ANKRD44: variants seen among roughly 807,000 people sequenced by gnomAD.
ANKRD44 encodes ankyrin repeat domain 44, also known as serine/threonine-protein phosphatase 6 regulatory ankyrin repeat subunit B.
ANKRD44 carries 35 observed loss-of-function variants against 116.0 expected under a neutral mutation model. That is an observed-to-expected ratio of 0.30 (90% confidence interval 0.23 to 0.40). ANKRD44 has a LOEUF of 0.40. Among genes scored for constraint, ANKRD44 ranks in the 10% least tolerant of loss-of-function variants. The probability of loss-of-function intolerance (pLI) is 1.00; values close to 1 mark genes in which losing one functional copy is unlikely to be tolerated. For missense variants in ANKRD44, 1,014 were observed against 1,242.6 expected (o/e 0.82, Z 2.77); for synonymous variants, 435 against 461.8 (o/e 0.94, Z 0.74).
chr2:197,037,943 A>G (rs953504738), intron 16 of ANKRD44, among the ~76,000 whole-genome samples: 54 of 151,990 alleles, frequency 3.6e-4, no homozygotes, highest in African/African-American at 1.3e-3. Flanking sequence ...CCTTGTCTTA[A>G]AAAAAAATGG....
chr2:197,212,074 A>C lies in ANKRD44; in HGVS notation c.28-24968T>G, dbSNP rs549843557. Among the ~76,000 whole-genome samples, 12 of 147,996 alleles carry C rather than the reference A, an allele frequency of 8.1e-5. No individual in the cohort carries two copies. The highest frequency in any genetic ancestry group is 3.0e-4 in the African/African-American group (12 of 40,252). On this transcript the variant is annotated intron_variant, in intron 1 of 27. Transcript: ENST00000282272. This position sits in a 1 kb window ranked among gnomAD's most constrained non-coding sequence, Gnocchi z 4.8. ...CTCTCACACACACACACACACACAC[A>C]CCCCACAGCACCACTTTGGGGGAAG... is the stretch of plus-strand genomic sequence containing the variant.
chr2:197,277,303 G>A (rs2083120911), intron 1 of ANKRD44, among the ~76,000 whole-genome samples: 1 of 152,044 alleles, frequency 6.6e-6, no homozygotes, highest in Admixed American at 6.5e-5. Context: ...GAGGTGCTCA[G>A]AGTCTCAAAG....
chr2:197,166,604 A>G (rs2080106915), intron 2 of ANKRD44, among the ~76,000 whole-genome samples: 1 of 152,256 alleles, frequency 6.6e-6, no homozygotes, highest in South Asian at 2.1e-4. Flanking sequence ...AGAATCACTG[A>G]CAATGATTGT....
At chr2:197,120,054 C>G (rs961298377) in intron 8 of ANKRD44, among the ~76,000 whole-genome samples, 1 of 152,182 alleles carries the variant, frequency 6.6e-6, no homozygotes, top group Admixed American at 6.5e-5. Context: ...AGTCTCCCCT[C>G]AAAATCGATC....
Position 197,268,943 on chromosome 2 carries a change from C to T in ANKRD44, c.27+41635G>A, listed in dbSNP as rs1268206362. Among the ~76,000 whole-genome samples the T allele has an allele frequency of 2.6e-5, 4 of 152,252 alleles. No homozygotes were observed. In the East Asian group the frequency reaches 7.7e-4, roughly 29 times the overall value. ...TGTTGATTGCTCAGCGTTCTTAAAT[C>T]AGGATGTATCTCGTGGAACCTTAGA... is the stretch of plus-strand genomic sequence containing the variant. On this transcript the variant is annotated intron_variant, in intron 1 of 27. Coordinates refer to ENST00000282272, the MANE Select transcript of ANKRD44 (RefSeq NM_001195144.2).
chr2:197,258,692 T>C (rs564079930), intron 1 of ANKRD44, among the ~76,000 whole-genome samples: 1 of 152,322 alleles, frequency 6.6e-6, no homozygotes, highest in South Asian at 2.1e-4. Context: ...CTGCACCATT[T>C]TACATTCCCA....
At chr2:197,230,218 CCA>C (rs942033811) in intron 1 of ANKRD44, among the ~76,000 whole-genome samples, 6 of 152,120 alleles carry the variant, frequency 3.9e-5, no homozygotes, top group Non-Finnish European at 8.8e-5. Flanking sequence ...GCACCATAAA[CCA>C]CAGTCTTGCC....
At chr2:197,139,224 C>T (rs2079297067) in intron 3 of ANKRD44, among the ~76,000 whole-genome samples, 1 of 152,034 alleles carries the variant, frequency 6.6e-6, no homozygotes, top group African/African-American at 2.4e-5. Context: ...TGAAGGTGCA[C>T]CGCAACATGT....
At chr2:197,305,992 TGAA>T (rs1559237421) in intron 1 of ANKRD44, among the ~76,000 whole-genome samples, 2 of 145,236 alleles carry the variant, frequency 1.4e-5, no homozygotes, top group Admixed American at 6.8e-5. Flanking sequence ...TATATATATA[TGAA>T]AAAAATCACT....
At chr2:196,969,753 A>G (rs1431855304) in intron 21 of ANKRD44, among the ~76,000 whole-genome samples, 2 of 152,236 alleles carry the variant, frequency 1.3e-5, no homozygotes, top group East Asian at 3.8e-4. Flanking sequence ...GAATGCATAA[A>G]TAAGGATTGG....
intron 1 of ANKRD44, among the ~76,000 whole-genome samples, chr2:197,235,680 T>C (rs1237716719): frequency 6.7e-6 from 1 of 148,744 alleles, no homozygotes; most frequent in Non-Finnish European, 1.5e-5. Context: ...TAAAAACAGC[T>C]GGGGAGATAT....
chr2:197,210,726 T>C (rs2081305817), intron 1 of ANKRD44, among the ~76,000 whole-genome samples: 1 of 152,166 alleles, frequency 6.6e-6, no homozygotes, highest in Non-Finnish European at 1.5e-5. Context: ...TGGAATGGCA[T>C]GTGTCATCCT....
chr2:197,189,185 T>C (rs1049198410), intron 1 of ANKRD44, among the ~76,000 whole-genome samples: 3 of 152,192 alleles, frequency 2.0e-5, no homozygotes, highest in African/African-American at 7.2e-5. Context: ...GAGGAAACAC[T>C]ATGTAAAAAT....
chr2:197,034,050 T>C (rs186984641), intron 16 of ANKRD44, among the ~76,000 whole-genome samples: 17 of 110,662 alleles, frequency 1.5e-4, no homozygotes, highest in South Asian at 7.6e-4. Flanking sequence ...ATATGAGGGC[T>C]AGAGAGAGAG....
At chr2:197,105,818 T>C (rs1269760702) in intron 9 of ANKRD44, among the ~76,000 whole-genome samples, 2 of 152,104 alleles carry the variant, frequency 1.3e-5, no homozygotes, top group African/African-American at 4.8e-5. Flanking sequence ...TGTGCACGTA[T>C]CCATATCAGA....
At chr2:197,229,023 A>G (rs901763135) in intron 1 of ANKRD44, among the ~76,000 whole-genome samples, 2 of 152,254 alleles carry the variant, frequency 1.3e-5, no homozygotes, top group African/African-American at 4.8e-5. Context: ...CAACAAGAGT[A>G]AAAATCTATC....
chr2:197,005,458 G>A (rs995799017), intron 21 of ANKRD44, among the ~76,000 whole-genome samples: 2 of 152,188 alleles, frequency 1.3e-5, no homozygotes, highest in African/African-American at 2.4e-5. Flanking sequence ...ACGGTTAAGT[G>A]TTAATGATTA....
At chr2:197,230,594 T>C (rs2081835139) in intron 1 of ANKRD44, among the ~76,000 whole-genome samples, 1 of 152,162 alleles carries the variant, frequency 6.6e-6, no homozygotes, top group African/African-American at 2.4e-5. Context: ...TATGGCATGT[T>C]ATCAGTACCC....
chr2:197,078,442 A>T, intron 16 of ANKRD44: 1 of 856,154 alleles, frequency 1.2e-6, no homozygotes, highest in East Asian at 4.8e-5. Flanking sequence ...CAGAAATGGT[A>T]CTGCCTTATA....
Sources: gnomAD v4.1 joint callset for allele counts (sites outside exome capture counted in the v4.1 genomes callset) on GRCh38, gnomAD v4.1.1 for gene constraint, Gnocchi (gnomAD v3.1) non-coding constraint, MANE v1.5 for transcripts, NCBI Gene and HGNC (gene_info 2026-07-23, HGNC 2026-07-21) for gene names.